The following CDKAL1 variants were observed in gnomAD, a reference collection of about 807,000 sequenced individuals.
CDKAL1 encodes CDKAL1 threonylcarbamoyladenosine tRNA methylthiotransferase.
In CDKAL1, 32 loss-of-function variants were observed where a neutral mutation model predicts 68.2. That is an observed-to-expected ratio of 0.47 (90% CI 0.35 to 0.63). The LOEUF (loss-of-function observed/expected upper bound fraction) is 0.63. Ranked by LOEUF, CDKAL1 falls within the 30% of genes least tolerant of loss-of-function variation. The probability of loss-of-function intolerance (pLI) is 0.00; values close to 1 mark genes in which losing one functional copy is unlikely to be tolerated. For synonymous variants in CDKAL1, 234 were observed against 244.3 expected (o/e 0.96, Z 0.39); for missense variants, 606 against 696.7 (o/e 0.87, Z 1.47).
intron 4 of CDKAL1, among the ~76,000 whole-genome samples, chr6:20,625,299 A>G (rs911795495): frequency 6.6e-6 from 1 of 152,114 alleles, no homozygotes; most frequent in African/African-American, 2.4e-5. Context: ...GCTCTTATCT[A>G]TCAAATATAA....
chr6:20,687,898 T>C (rs1770698382), intron 5 of CDKAL1, among the ~76,000 whole-genome samples: 1 of 152,166 alleles, frequency 6.6e-6, no homozygotes, highest in African/African-American at 2.4e-5. Context: ...TTTAATTTCT[T>C]GCAAGGTAGA....
intron 9 of CDKAL1, among the ~76,000 whole-genome samples, chr6:20,887,444 A>G (rs995755987): frequency 2.0e-5 from 3 of 152,104 alleles, no homozygotes; most frequent in African/African-American, 7.2e-5. Context: ...AGAATGGACA[A>G]AATGGAATTT....
intron 4 of CDKAL1, among the ~76,000 whole-genome samples, chr6:20,570,064 C>T (rs559594801): frequency 4.0e-5 from 6 of 151,878 alleles, no homozygotes; most frequent in South Asian, 4.2e-4. Context: ...TTGACTACAG[C>T]GAAAGCTTTT....
intron 9 of CDKAL1, among the ~76,000 whole-genome samples, chr6:20,929,823 A>T (rs1291389046): frequency 6.6e-6 from 1 of 152,170 alleles, no homozygotes; most frequent in Non-Finnish European, 1.5e-5. Flanking sequence ...TGACTCAGTC[A>T]ACATCTTCTC....
At chr6:21,090,989 G>T (rs1238396358) in intron 12 of CDKAL1, among the ~76,000 whole-genome samples, 1 of 151,928 alleles carries the variant, frequency 6.6e-6, no homozygotes, top group East Asian at 1.9e-4. Flanking sequence ...TAGAGACAGG[G>T]TCTTACACTA....
At chr6:21,116,675 G>A (rs888023201) in intron 13 of CDKAL1, among the ~76,000 whole-genome samples, 1 of 152,026 alleles carries the variant, frequency 6.6e-6, no homozygotes, top group African/African-American at 2.4e-5. Flanking sequence ...TCTCGCCCCT[G>A]CACCTCCCCA....
At chr6:20,652,372 G>A (rs1366337579) in intron 5 of CDKAL1, among the ~76,000 whole-genome samples, 1 of 152,144 alleles carries the variant, frequency 6.6e-6, no homozygotes, top group African/African-American at 2.4e-5. Context: ...GCTTTCAACG[G>A]AATTGCACTT....
At chr6:21,107,034 G>A (rs994164275) in intron 12 of CDKAL1, among the ~76,000 whole-genome samples, 7 of 144,902 alleles carry the variant, frequency 4.8e-5, no homozygotes, top group Non-Finnish European at 7.4e-5. Context: ...TGCAAGCTCC[G>A]CCTCCCGGGT....
At chr6:21,182,913 A>G (rs149491108) in intron 13 of CDKAL1, among the ~76,000 whole-genome samples, 24 of 152,258 alleles carry the variant, frequency 1.6e-4, no homozygotes, top group African/African-American at 5.5e-4. Flanking sequence ...CTAGGTTTTG[A>G]TCACATATAA....
At chr6:20,875,673 A>C (rs1760475541) in intron 9 of CDKAL1, among the ~76,000 whole-genome samples, 1 of 149,646 alleles carries the variant, frequency 6.7e-6, no homozygotes, top group African/African-American at 2.5e-5. Flanking sequence ...TATTACCTTC[A>C]CTAATGAAAA....
At chr6:21,045,484 C>T (rs1368029791) in intron 11 of CDKAL1, among the ~76,000 whole-genome samples, 3 of 152,144 alleles carry the variant, frequency 2.0e-5, no homozygotes, top group Admixed American at 2.0e-4. Flanking sequence ...ATTTCTACTC[C>T]CGTGGGCACC....
chr6:20,797,603 G>A (rs1266423042), intron 8 of CDKAL1, among the ~76,000 whole-genome samples: 1 of 152,072 alleles, frequency 6.6e-6, no homozygotes, highest in Non-Finnish European at 1.5e-5. Context: ...TTTAGGGAAT[G>A]AATGGAAAAA....
At chr6:20,654,173 G>A (rs1768915724) in intron 5 of CDKAL1, among the ~76,000 whole-genome samples, 1 of 152,238 alleles carries the variant, frequency 6.6e-6, no homozygotes, top group African/African-American at 2.4e-5. Context: ...GTGAGCCACT[G>A]TGCCCGGCCT....
intron 8 of CDKAL1, among the ~76,000 whole-genome samples, chr6:20,794,546 C>G (rs1307651483): frequency 1.3e-4 from 20 of 152,044 alleles, no homozygotes; most frequent in Non-Finnish European, 2.9e-5. Context: ...GCCCCATGGC[C>G]AAATACCTAC....
At chr6:20,857,628 A>G (rs543247436) in intron 9 of CDKAL1, among the ~76,000 whole-genome samples, 14 of 152,374 alleles carry the variant, frequency 9.2e-5, no homozygotes, top group African/African-American at 2.9e-4. Context: ...TTTCAAAACA[A>G]TCATTTCAAA....
intron 5 of CDKAL1, among the ~76,000 whole-genome samples, chr6:20,734,439 A>G (rs1773095057): frequency 6.6e-6 from 1 of 152,190 alleles, no homozygotes; most frequent in Non-Finnish European, 1.5e-5. Flanking sequence ...CACCATTCAT[A>G]TTTTGCAGGA....
chr6:20,881,153 C>T (rs1394277601), intron 9 of CDKAL1, among the ~76,000 whole-genome samples: 9 of 152,188 alleles, frequency 5.9e-5, no homozygotes, highest in Admixed American at 5.9e-4. Flanking sequence ...TAAGGAACAG[C>T]ACAGTCGCTT....
chr6:21,128,881 G>C (rs894124513), intron 13 of CDKAL1, among the ~76,000 whole-genome samples: 2 of 152,190 alleles, frequency 1.3e-5, no homozygotes, highest in African/African-American at 4.8e-5. Context: ...ATGGACCATT[G>C]TACCATAAAA....
At chr6:20,940,390 A>G (rs56122257) in intron 9 of CDKAL1, among the ~76,000 whole-genome samples, 13,515 of 152,214 alleles carry the variant, frequency 0.089, 992 homozygotes, top group African/African-American at 0.2. Flanking sequence ...AGGCAGTTCT[A>G]TACCTTATAA....
Sources: gnomAD v4.1 joint callset for allele counts (sites outside exome capture counted in the v4.1 genomes callset) on GRCh38, gnomAD v4.1.1 for gene constraint, MANE v1.5 for transcripts, NCBI Gene and HGNC (gene_info 2026-07-23, HGNC 2026-07-21) for gene names.